Variants in RPS7 observed in about 807,000 individuals in gnomAD.
The protein encoded by RPS7 is small ribosomal subunit protein eS7.
A neutral mutation model predicts 22.1 loss-of-function variants in RPS7; 1 was observed. The observed-to-expected ratio is 0.05, with a 90% CI of 0.02 to 0.21. The LOEUF is 0.21. Among genes scored for constraint, RPS7 ranks in the 10% least tolerant of loss-of-function variants. The pLI, the probability that RPS7 is intolerant of heterozygous loss-of-function variation, is 1.00. For synonymous variants in RPS7, 80 were observed against 92.0 expected (o/e 0.87, Z 0.74); for missense variants, 137 against 246.4 (o/e 0.56, Z 2.97).
intron 5 of RPS7, chr2:3,577,994 C>G (rs949577458): frequency 1.7e-6 from 1 of 574,512 alleles, no homozygotes; most frequent in Non-Finnish European, 3.1e-6. Flanking sequence ...AGTGCTGTCA[C>G]AAGATGAGAT....
At chr2:3,577,865 C>G (rs1661320691) in intron 5 of RPS7, 91 bp downstream of exon 5, 2 of 907,240 alleles carry the variant, frequency 2.2e-6, no homozygotes, top group African/African-American at 1.7e-5. Context: ...AACAGATGTT[C>G]AAGTGGGAAT....
At chr2:3,575,467 A>G (rs1422349621) in intron 1 of RPS7, 117 bp downstream of exon 1, 19 of 676,926 alleles carry the variant, frequency 2.8e-5, no homozygotes, top group Middle Eastern at 3.9e-4. Context: ...ACAGCCGATT[A>G]CCCGCCCTGT....
rs1661387610 is a variant in RPS7 at position 3,580,733 on chromosome 2, T to G, written c.508-72T>G. The stretch of plus-strand genomic sequence containing the variant: ...GAGAAAAACAATACAGGGCACAATT[T>G]CACGAAACTATTAGGTTTTAAGCTG... On this transcript the variant is annotated intron_variant, in intron 6 of 6. Transcript: ENST00000645674. The G allele has an allele frequency of 3.7e-5, 35 of 954,390 alleles. No homozygotes were observed. The South Asian group carries it at 4.4e-4, about 12-fold the overall frequency. The allele number at this position is 954,390 out of a possible 1,614,324, so 59.1% of individuals were successfully genotyped here.
intron 3 of RPS7, 24 bp from the exon 4 acceptor site, chr2:3,576,463 G>T: frequency 6.2e-7 from 1 of 1,610,474 alleles, no homozygotes; most frequent in Admixed American, 1.7e-5. Context: ...AGTTAACACA[G>T]TGGATTTTTG....
intron 5 of RPS7, chr2:3,577,994 CAAGAT>C: frequency 5.2e-6 from 3 of 574,630 alleles, no homozygotes; most frequent in Non-Finnish European, 6.2e-6. Flanking sequence ...AGTGCTGTCA[CAAGAT>C]GAGATGATTT....
chr2:3,576,782 T>A, intron 4 of RPS7, 152 bp downstream of exon 4: 2 of 997,310 alleles, frequency 2.0e-6, no homozygotes, highest in Non-Finnish European at 3.2e-6. Context: ...CGCCGTGGCT[T>A]AGGCCTGTAA....
chr2:3,580,420 G>A (rs994228960), intron 6 of RPS7, 160 bp downstream of exon 6: 1 of 728,996 alleles, frequency 1.4e-6, no homozygotes, highest in Non-Finnish European at 2.5e-6. Flanking sequence ...TATGTGTCAG[G>A]TGTTAAATGG....
rs939123022 is a variant in RPS7 at position 3,575,818 on chromosome 2, C to T, written c.77C>T (p.Ala26Val). The change falls in exon 3 of 7, where the codon GCT becomes GTT. Residue 26 changes from alanine to valine, a missense_variant and splice_region_variant. Physicochemically the swap from Ala to Val is moderately conservative, Grantham distance 64. Transcript: ENST00000645674. The part of the protein sequence containing the change: ...PDEFESGISQ[A>V]LLELEMNSDL... ...GTCCTGCTGTTCGTTGCTTCTTAGGCTCTTCTGGAGCTGGAGATGAACTCG... is the reference window on the plus strand; with the variant it reads ...GTCCTGCTGTTCGTTGCTTCTTAGGTTCTTCTGGAGCTGGAGATGAACTCG... The T allele has an allele frequency of 1.2e-5, 19 of 1,611,824 alleles. No individual in the cohort carries two copies. The highest frequency in any genetic ancestry group is 1.6e-5 in the Non-Finnish European group (19 of 1,179,358).
chr2:3,577,464 A>T, intron 4 of RPS7: 2 of 548,576 alleles, frequency 3.6e-6, no homozygotes, highest in Non-Finnish European at 6.5e-6. Context: ...GGAAAGGCGT[A>T]TCTGGGAGAT....
At chr2:3,576,327 G>T in intron 3 of RPS7, 160 bp from the exon 4 acceptor site, 1 of 739,818 alleles carries the variant, frequency 1.4e-6, no homozygotes, top group South Asian at 1.5e-5. Context: ...GGAGAGAGAT[G>T]AGAACATTTC....
chr2:3,577,239 G>GGCA (rs1661299262), intron 4 of RPS7: 4 of 177,438 alleles, frequency 2.3e-5, no homozygotes, highest in Admixed American at 2.2e-4. Context: ...GGGAGGCTGA[G>GGCA]GCAGGAGAAT....
Position 3,580,890 on chromosome 2 carries a change from T to C in RPS7, c.*8T>C, listed in dbSNP as rs763251793. ...CCAGAGTTTCAATTGTAAACAAAAA[T>C]GACTAAATAAAAAGTATATATTCAC... is the stretch of plus-strand genomic sequence containing the variant. On this transcript the variant is annotated 3_prime_UTR_variant, in exon 7 of 7. Transcript: ENST00000645674. The C allele has an allele frequency of 3.0e-5, 44 of 1,456,076 alleles. No homozygotes were observed. The highest frequency in any genetic ancestry group is 4.2e-5 in the Non-Finnish European group (44 of 1,042,808). The allele number at this position is 1,456,076 out of a possible 1,614,324, so 90.2% of individuals were successfully genotyped here.
At chr2:3,579,206 CTTAA>C (rs556524342) in intron 5 of RPS7, 1 of 152,188 alleles carries the variant, frequency 6.6e-6, no homozygotes, top group African/African-American at 2.4e-5. Flanking sequence ...TAAGAATATG[CTTAA>C]TTAATGAGTC....
In RPS7 at chr2:3,580,683, A is replaced by G. The variant is rs772565785; in HGVS notation, c.508-122A>G. On this transcript the variant is annotated intron_variant, in intron 6 of 6. Transcript: ENST00000645674. ...CCCGGTCGTGAAGACTGCTGCAGAC[A>G]TGTTGTGTGTACTTAGTTGCTGAGG... 9.5e-4 allele frequency: 682 copies of G among 717,008 alleles called. 7 individuals carry two copies. The highest frequency in any genetic ancestry group is 2.2e-4 in the Non-Finnish European group (85 of 392,916). The allele number at this position is 717,008 out of a possible 1,614,324, so 44.4% of individuals were successfully genotyped here. A position where few individuals can be genotyped will look rare whatever the true frequency, so the allele number is the denominator to read the frequency against.
chr2:3,575,964 G>T, intron 3 of RPS7, 76 bp downstream of exon 3: 1 of 1,083,932 alleles, frequency 9.2e-7, no homozygotes, highest in East Asian at 2.6e-5. Flanking sequence ...GGTTGGACCT[G>T]GGTTACGGTT....
In RPS7 at chr2:3,575,489, G is replaced by C. The variant is rs1661253381; in HGVS notation, c.-18-103G>C. The C allele has an allele frequency of 4.0e-6, 3 of 756,022 alleles. No homozygotes were observed. In the Admixed American group the frequency reaches 6.8e-5, roughly 17 times the overall value. 46.8% of individuals were successfully genotyped at this position (756,022 alleles called of 1,614,324 possible). On this transcript the variant is annotated intron_variant, in intron 1 of 6. Coordinates refer to ENST00000645674, the MANE Select transcript of RPS7 (RefSeq NM_001011.4). ...ATTACCCGCCCTGTGCTTTCCGATG[G>C]CTTCTGCGGGGCGAGCGGGGCCTGG...
chr2:3,576,423 A>G, intron 3 of RPS7, 64 bp from the exon 4 acceptor site: 2 of 1,451,854 alleles, frequency 1.4e-6, no homozygotes, highest in South Asian at 2.3e-5. Context: ...CTTATCCTCT[A>G]ATTTGACCAC....
chr2:3,576,927 C>T, intron 4 of RPS7: 3 of 401,022 alleles, frequency 7.5e-6, no homozygotes, highest in South Asian at 2.3e-5. Flanking sequence ...AATTAAGAGT[C>T]GAAACAAGAA....
At chr2:3,577,581 T>C (rs1661310176) in intron 4 of RPS7, 129 bp from the exon 5 acceptor site, 2 of 702,540 alleles carry the variant, frequency 2.8e-6, no homozygotes, top group Admixed American at 2.3e-5. Context: ...TCGTCTAAGT[T>C]GTTTAGCCTT....
Sources: gnomAD v4.1 joint callset for allele counts on GRCh38, gnomAD v4.1.1 for gene constraint, MANE v1.5 for transcripts, NCBI Gene and HGNC (gene_info 2026-07-23, HGNC 2026-07-21) for gene names.